The following DRD3 variants were observed in gnomAD, a reference collection of about 807,000 sequenced individuals.
DRD3 encodes dopamine receptor D3.
A neutral mutation model predicts 36.3 loss-of-function variants in DRD3; 19 were observed. That is an observed-to-expected ratio of 0.52 (90% confidence interval 0.36 to 0.77). The LOEUF (loss-of-function observed/expected upper bound fraction) is 0.77. DRD3 is among the 30% of genes least tolerant of loss of function. The pLI, the probability that DRD3 is intolerant of heterozygous loss-of-function variation, is 0.00. For missense variants in DRD3, 465 were observed against 505.3 expected (o/e 0.92, Z 0.77); for synonymous variants, 195 against 203.7 (o/e 0.96, Z 0.36).
intron 2 of DRD3, among the ~76,000 whole-genome samples, chr3:114,163,871 G>A (rs2077756252): frequency 6.6e-6 from 1 of 152,154 alleles, no homozygotes; most frequent in Non-Finnish European, 1.5e-5. Flanking sequence ...CCAAAGGTGA[G>A]ATAGGTACAA....
At chr3:114,194,457 A>G (rs2078026770) in intron 1 of DRD3, among the ~76,000 whole-genome samples, 1 of 151,936 alleles carries the variant, frequency 6.6e-6, no homozygotes, top group African/African-American at 2.4e-5. Flanking sequence ...TAATTTTTGT[A>G]TTTTTAGTAG....
intron 1 of DRD3, among the ~76,000 whole-genome samples, chr3:114,189,810 T>A (rs534978442): frequency 6.6e-6 from 1 of 152,320 alleles, no homozygotes; most frequent in South Asian, 2.1e-4. Flanking sequence ...ACTGTGGCAA[T>A]TGAATGACTC....
At chr3:114,129,296 T>C (rs2077405730) in intron 6 of DRD3, among the ~76,000 whole-genome samples, 1 of 151,978 alleles carries the variant, frequency 6.6e-6, no homozygotes, top group South Asian at 2.1e-4. Context: ...TGAGCCAAGA[T>C]TGCGCCATTG....
In DRD3 at chr3:114,131,209, T is replaced by A. The variant is rs201431633; in HGVS notation, c.915A>T (p.Arg305Ser). 6.2e-7 allele frequency: 1 copy of A among 1,614,200 alleles called. No homozygotes were observed. Among genetic ancestry groups the A allele is most frequent in the Non-Finnish European group, 8.5e-7 (1 of 1,180,042 alleles). ...SLEVRKLSNG[R>S]LSTSLKLGPL... ...GCCCCAGCTTCAAAGATGTCGATAA[T>A]CTGCCATTGCTGAGTTTTCGAACTT... The change falls in exon 6 of 7, where the codon AGA (arginine) becomes AGT (serine). Residue 305 changes from arginine (R) to serine (S), a missense_variant. Physicochemically the swap from Arg to Ser is moderately radical, Grantham distance 110. Transcript: ENST00000383673.
intron 3 of DRD3, among the ~76,000 whole-genome samples, chr3:114,155,569 A>G (rs573945619): frequency 6.6e-6 from 1 of 152,282 alleles, no homozygotes; most frequent in South Asian, 2.1e-4. Flanking sequence ...CAAATTAAAG[A>G]AAGGCGCCCT....
At chr3:114,197,580 T>A in intron 1 of DRD3, among the ~76,000 whole-genome samples, 1 of 149,002 alleles carries the variant, frequency 6.7e-6, no homozygotes, top group East Asian at 2.0e-4. Flanking sequence ...TTATCAGGTT[T>A]TAATCTTAAA....
rs747608272 is a variant in DRD3 at position 114,159,745 on chromosome 3, G to A, written c.383+10C>T. 5 of 1,612,178 alleles carry A rather than the reference G, an allele frequency of 3.1e-6. No homozygotes were observed. In the Admixed American group the frequency reaches 8.3e-5, roughly 27 times the overall value. ...TTTTGGGCCACCTGGAAGGGGAATTGCAGCCCTACCTGTCTATGCTGATGG... is the reference window on the plus strand; with the variant it reads ...TTTTGGGCCACCTGGAAGGGGAATTACAGCCCTACCTGTCTATGCTGATGG... On this transcript the variant is annotated intron_variant, in intron 3 of 6. Coordinates refer to ENST00000383673, the MANE Select transcript of DRD3 (RefSeq NM_000796.6).
At chr3:114,190,403 A>G (rs1311326165) in intron 1 of DRD3, among the ~76,000 whole-genome samples, 1 of 119,146 alleles carries the variant, frequency 8.4e-6, no homozygotes, top group East Asian at 2.8e-4. Context: ...CTAGAGAGGA[A>G]AAAGGATAAT....
chr3:114,179,918 TG>T (rs1445392964), upstream of DRD3, among the ~76,000 whole-genome samples: 1 of 152,188 alleles, frequency 6.6e-6, no homozygotes. Context: ...TTTAATGCAT[TG>T]CTCCTTTTAA....
intron 2 of DRD3, among the ~76,000 whole-genome samples, chr3:114,162,572 C>T (rs2077744155): frequency 1.3e-5 from 2 of 152,226 alleles, no homozygotes; most frequent in Non-Finnish European, 2.9e-5. Context: ...GCCTGGTGTT[C>T]TGCAAAGCAC....
intron 4 of DRD3, among the ~76,000 whole-genome samples, chr3:114,146,657 C>T (rs1208222403): frequency 6.7e-6 from 1 of 149,148 alleles, no homozygotes; most frequent in Admixed American, 6.7e-5. Flanking sequence ...CTAGATTGTG[C>T]CATTGGACTC....
In DRD3 at chr3:114,131,185, C is replaced by A. The variant is rs1362143692; in HGVS notation, c.939G>T (p.Gly313=). 6 of 1,614,182 alleles carry A rather than the reference C, an allele frequency of 3.7e-6. No homozygotes were observed. The highest frequency in any genetic ancestry group is 2.2e-5 in the East Asian group (1 of 44,886). The change falls in exon 6 of 7, where the codon GGG becomes GGT. Residue 313 remains glycine (G), a synonymous_variant. Coordinates refer to ENST00000383673, the MANE Select transcript of DRD3 (RefSeq NM_000796.6). The part of the protein sequence containing the change: ...NGRLSTSLKL[G]PLQPRGVPLR... Reference sequence around the variant, plus strand: ...GTGGCACTCCCCGAGGTTGCAGGGGCCCCAGCTTCAAAGATGTCGATAATC... The same window carrying A: ...GTGGCACTCCCCGAGGTTGCAGGGGACCCAGCTTCAAAGATGTCGATAATC...
At chr3:114,188,448 G>A (rs926536807) in intron 1 of DRD3, among the ~76,000 whole-genome samples, 1 of 152,124 alleles carries the variant, frequency 6.6e-6, no homozygotes, top group Non-Finnish European at 1.5e-5. Context: ...CTGACCTCAA[G>A]TAATCCGCCC....
upstream of DRD3, chr3:114,179,104 T>G (rs1008407723): frequency 6.6e-6 from 1 of 152,194 alleles, no homozygotes; most frequent in Non-Finnish European, 1.5e-5. Flanking sequence ...TCAGTGCTCT[T>G]TTTAATCTTA....
intron 1 of DRD3, among the ~76,000 whole-genome samples, chr3:114,195,779 A>C (rs999453534): frequency 6.6e-6 from 1 of 152,224 alleles, no homozygotes; most frequent in Non-Finnish European, 1.5e-5. Context: ...AAACTTATAA[A>C]ATATCTTACT....
rs565368681 is a variant in DRD3, at chr3:114,143,294, ACTC to A, written c.527-3601_527-3599del. On this transcript the variant is annotated intron_variant, in intron 4 of 6. Transcript: ENST00000383673. ...GGCCTGTGCCGGGGGAGGGGAGGTT[ACTC>A]CTCCTCTGAGATTAGAGATGCTTAT... is the stretch of plus-strand genomic sequence containing the variant. Among the ~76,000 whole-genome samples, 304 of 152,270 alleles carry A rather than the reference ACTC, an allele frequency of 2.0e-3. 1 individual carries two copies. The highest frequency in any genetic ancestry group is 4.8e-3 in the Admixed American group (74 of 15,296).
At chr3:114,190,513 C>A (rs2078005645) in intron 1 of DRD3, among the ~76,000 whole-genome samples, 2 of 83,356 alleles carry the variant, frequency 2.4e-5, no homozygotes, top group Non-Finnish European at 2.2e-5. Context: ...ACAGAGCAAA[C>A]CAATAAACAG....
intron 4 of DRD3, among the ~76,000 whole-genome samples, chr3:114,143,492 C>T (rs2077544841): frequency 1.3e-5 from 2 of 152,178 alleles, no homozygotes; most frequent in South Asian, 4.1e-4. Context: ...CTGAGACCCA[C>T]CATGATGTGG....
upstream of DRD3, among the ~76,000 whole-genome samples, chr3:114,181,729 G>A (rs986007946): frequency 1.3e-5 from 2 of 152,164 alleles, no homozygotes; most frequent in African/African-American, 4.8e-5. Flanking sequence ...AAGAGAGATG[G>A]TGGGCTTCTG....
Sources: gnomAD v4.1 joint callset for allele counts (sites outside exome capture counted in the v4.1 genomes callset) on GRCh38, gnomAD v4.1.1 for gene constraint, MANE v1.5 for transcripts, NCBI Gene and HGNC (gene_info 2026-07-23, HGNC 2026-07-21) for gene names.